CENPI: variants seen among roughly 807,000 people sequenced by gnomAD.
CENPI encodes FSH primary response 1.
A neutral mutation model predicts 60.4 loss-of-function variants in CENPI; 4 were observed. The ratio of observed to expected loss-of-function variants is 0.07; its 90% CI spans 0.03 to 0.15. The LOEUF (loss-of-function observed/expected upper bound fraction) is 0.15, where lower values mean the gene tolerates loss of function less well. Ranked by LOEUF, CENPI falls within the 10% of genes least tolerant of loss-of-function variation. CENPI has a pLI of 1.00. For synonymous variants in CENPI, 157 were observed against 189.4 expected, an observed-to-expected ratio of 0.83 and a Z score of 1.40; for missense variants, 444 against 534.5, an observed-to-expected ratio of 0.83 and a Z score of 1.67.
At chrX:101,178,398 CTTTTTTTTTTTTTTTTT>C in the CENPI span, among the ~76,000 whole-genome samples, 2 of 39,983 alleles carry the variant, frequency 5.0e-5, no homozygotes, top group South Asian at 1.7e-3. Flanking sequence ...TTTTCTTCTT[CTTTTTTTTTTTTTTTTT>C]TTTTTTTTTT....
intron 11 of CENPI, 105 bp downstream of exon 11, chrX:101,127,770 C>A: frequency 1.6e-6 from 1 of 627,591 alleles, no homozygotes; most frequent in Non-Finnish European, 2.4e-6. Context: ...AGGGTCTTAC[C>A]TGTCACCCAG....
At position 101,163,950 on chromosome X, in the gene CENPI, G is replaced by A. The variant is rs1248352709; in HGVS notation, c.*983G>A. On this transcript the variant is annotated 3_prime_UTR_variant, in exon 22 of 22. Coordinates refer to ENST00000682095, the MANE Select transcript of CENPI (RefSeq NM_001386188.2). ...CTCAGGAGGCTGGGGCAGGAGAATC[G>A]CTTGAACCCGGGAGGCGGAGGTTGC... Among the ~76,000 whole-genome samples, 4 of 109,078 alleles carry A rather than the reference G, an allele frequency of 3.7e-5. No individual in the cohort carries two copies. The highest frequency in any genetic ancestry group is 4.0e-4 in the South Asian group (1 of 2,497). The allele number at this position is 109,078 out of a possible 115,157, so 94.7% of individuals were successfully genotyped here. A position where few individuals can be genotyped will look rare whatever the true frequency, so the allele number is the denominator to read the frequency against.
intron 15 of CENPI, among the ~76,000 whole-genome samples, chrX:101,136,616 G>C (rs1259423405): frequency 9.0e-6 from 1 of 111,615 alleles, no homozygotes; most frequent in Non-Finnish European, 1.9e-5. Context: ...TTTTGTTTGG[G>C]CCTGGTCAGT....
intron 20 of CENPI, among the ~76,000 whole-genome samples, chrX:101,159,547 C>T (rs184038356): frequency 8.6e-4 from 94 of 109,654 alleles, no homozygotes; most frequent in African/African-American, 3.0e-3. Flanking sequence ...AAACCTCCGC[C>T]TCCCGAGTTC....
chrX:101,101,774 T>C lies in CENPI; in HGVS notation c.226+478T>C, dbSNP rs188550201. ...CAGTGCTTTTAGTTTAGAATAGGAA[T>C]GTCAGGGCATAATCCAGCTTTCCTC... On this transcript the variant is annotated intron_variant, in intron 3 of 21. Transcript: ENST00000682095. Among the ~76,000 whole-genome samples the C allele has an allele frequency of 4.4e-5, 5 of 112,512 alleles. No individual in the cohort carries two copies. In the East Asian group the frequency reaches 1.4e-3, roughly 31 times the overall value.
downstream of CENPI, among the ~76,000 whole-genome samples, chrX:101,166,758 A>G (rs955020420): frequency 8.9e-6 from 1 of 112,199 alleles, no homozygotes; most frequent in Non-Finnish European, 1.9e-5. Flanking sequence ...GAGTTCTAAC[A>G]TATTTTTCCT....
intron 18 of CENPI, 103 bp downstream of exon 18, chrX:101,146,380 C>A: frequency 1.2e-6 from 1 of 835,299 alleles, no homozygotes; most frequent in Non-Finnish European, 1.6e-6. Context: ...CTGCCAGGGC[C>A]TCTGGAAATA....
At position 101,128,815 on chromosome X, in the gene CENPI, T is replaced by C. The variant is rs774563887; in HGVS notation, c.1174T>C (p.Leu392=). 10 of 1,209,537 alleles carry C rather than the reference T, an allele frequency of 8.3e-6. No individual in the cohort carries two copies. Among genetic ancestry groups the C allele is most frequent in the Non-Finnish European group, 1.1e-5 (10 of 893,703 alleles). The part of the protein sequence containing the change: ...EPVLLRFYYW[L]SQTLQEECIW... Reference sequence around the variant, plus strand: ...AGTCTTGCTGAGGTTTTATTACTGGTTGAGTCAAACATTACAAGAAGGTAA... The same window carrying C: ...AGTCTTGCTGAGGTTTTATTACTGGCTGAGTCAAACATTACAAGAAGGTAA... Residue 392 remains leucine (L), a synonymous_variant, in exon 12 of 22, where the codon TTG becomes CTG. Coordinates refer to ENST00000682095, the MANE Select transcript of CENPI (RefSeq NM_001386188.2).
intron 6 of CENPI, among the ~76,000 whole-genome samples, chrX:101,115,286 A>G (rs1296192418): frequency 6.7e-5 from 6 of 89,356 alleles, no homozygotes; most frequent in African/African-American, 2.5e-4. Context: ...CATTATTTCT[A>G]TTTTTTTTTT....
chrX:101,164,020 C>CAA lies in CENPI; in HGVS notation c.*1069_*1070dup, dbSNP rs35365475. On this transcript the variant is annotated 3_prime_UTR_variant, in exon 22 of 22. Coordinates refer to ENST00000682095, the MANE Select transcript of CENPI (RefSeq NM_001386188.2). ...ACTGCACTCCAGCGAGACTCTGTCT[C>CAA]AAAAAAAAAAAAAAAAATTACCTCA... Among the ~76,000 whole-genome samples the CAA allele has an allele frequency of 1.1e-5, 1 of 87,785 alleles. No homozygotes were observed. The highest frequency in any genetic ancestry group is 1.3e-4 in the Admixed American group (1 of 7,696). 76.2% of individuals were successfully genotyped at this position (87,785 alleles called of 115,157 possible). A position where few individuals can be genotyped will look rare whatever the true frequency, so the allele number is the denominator to read the frequency against.
chrX:101,155,790 A>G (rs2090046980), intron 20 of CENPI, among the ~76,000 whole-genome samples: 1 of 111,882 alleles, frequency 8.9e-6, no homozygotes, highest in Admixed American at 9.6e-5. Flanking sequence ...ATTCTTGGAA[A>G]CAAACAGATT....
the CENPI span, among the ~76,000 whole-genome samples, chrX:101,173,263 C>T: frequency 9.4e-6 from 1 of 106,063 alleles, no homozygotes; most frequent in East Asian, 2.9e-4. Context: ...ATCTGCCCTC[C>T]TCGGCCTCCC....
intron 8 of CENPI, among the ~76,000 whole-genome samples, chrX:101,123,191 G>A (rs2089697876): frequency 8.9e-6 from 1 of 112,315 alleles, no homozygotes; most frequent in Non-Finnish European, 1.9e-5. Context: ...ATGCATGATA[G>A]TAACAGGCAT....
At position 101,104,682 on chromosome X, in the gene CENPI, A is replaced by T. The variant is rs1330384505; in HGVS notation, c.364+2271A>T. ...GAGACCAGCCTGGGCAACAAAGCGA[A>T]ACCTTGTCTACAAAATGTTAAAAAA... On this transcript the variant is annotated intron_variant, in intron 4 of 21. Transcript: ENST00000682095. 4.2e-5 allele frequency among the ~76,000 whole-genome samples: 4 copies of T among 95,877 alleles called. No individual in the cohort carries two copies. The East Asian group carries it at 1.3e-3, about 30-fold the overall frequency. The allele number at this position is 95,877 out of a possible 115,157, so 83.3% of individuals were successfully genotyped here.
At chrX:101,115,392 G>A (rs1399293542) in intron 6 of CENPI, among the ~76,000 whole-genome samples, 1 of 109,695 alleles carries the variant, frequency 9.1e-6, no homozygotes, top group Non-Finnish European at 1.9e-5. Flanking sequence ...TGGGTAACGA[G>A]CGAGACTCTG....
intron 2 of CENPI, chrX:101,099,695 A>G (rs2089389004): frequency 9.1e-6 from 1 of 109,970 alleles, no homozygotes; most frequent in African/African-American, 3.3e-5. Context: ...TTCTCTGAAC[A>G]CTTATTACAA....
intron 4 of CENPI, among the ~76,000 whole-genome samples, chrX:101,103,077 C>A (rs2089441831): frequency 9.4e-6 from 1 of 106,873 alleles, no homozygotes; most frequent in Non-Finnish European, 1.9e-5. Flanking sequence ...TCACTGCAAC[C>A]TCCACTTTCC....
At chrX:101,174,293 T>C in the CENPI span, among the ~76,000 whole-genome samples, 1 of 111,930 alleles carries the variant, frequency 8.9e-6, no homozygotes, top group Non-Finnish European at 1.9e-5. Flanking sequence ...GAGATACCAT[T>C]TGACCTAGCA....
intron 20 of CENPI, among the ~76,000 whole-genome samples, chrX:101,159,087 T>C (rs1466874776): frequency 9.0e-6 from 1 of 111,616 alleles, no homozygotes; most frequent in Non-Finnish European, 1.9e-5. Flanking sequence ...TTGACAGAAA[T>C]GGACTGCTTT....
Sources: gnomAD v4.1 joint callset for allele counts (sites outside exome capture counted in the v4.1 genomes callset) on GRCh38, gnomAD v4.1.1 for gene constraint, MANE v1.5 for transcripts, NCBI Gene and HGNC (gene_info 2026-07-23, HGNC 2026-07-21) for gene names.